Variants in RUVBL1 observed in about 807,000 individuals in gnomAD.
RUVBL1 encodes RuvB like AAA ATPase 1, also known as ruvB-like 1.
A neutral mutation model predicts 52.4 loss-of-function variants in RUVBL1; 4 were observed. The ratio of observed to expected loss-of-function variants is 0.08; its 90% CI spans 0.04 to 0.17. RUVBL1 has a LOEUF of 0.17. Ranked by LOEUF, RUVBL1 falls within the 10% of genes least tolerant of loss-of-function variation. The pLI is 1.00. For missense variants in RUVBL1, 298 were observed against 572.8 expected (o/e 0.52, Z 4.90); for synonymous variants, 217 against 214.4 (o/e 1.01, Z -0.10).
intron 8 of RUVBL1, 53 bp downstream of exon 8, chr3:128,097,247 T>A: frequency 6.6e-7 from 1 of 1,522,688 alleles, no homozygotes; most frequent in Non-Finnish European, 9.0e-7. Context: ...GAGGAACAAA[T>A]GAGCCCAGAT....
intron 9 of RUVBL1, chr3:128,069,684 A>C: frequency 6.2e-7 from 1 of 1,609,928 alleles, no homozygotes; most frequent in Non-Finnish European, 8.5e-7. Context: ...GGACAGGTTG[A>C]GGAAGCTGCT....
chr3:128,107,398 G>C (rs940300760), intron 3 of RUVBL1, among the ~76,000 whole-genome samples: 2 of 152,242 alleles, frequency 1.3e-5, no homozygotes, highest in African/African-American at 4.8e-5. Context: ...TGATGGCAGG[G>C]TGGCTTGATA....
chr3:128,072,762 C>A (rs967973582), intron 9 of RUVBL1, among the ~76,000 whole-genome samples: 2 of 152,226 alleles, frequency 1.3e-5, no homozygotes, highest in African/African-American at 4.8e-5. Context: ...ATCTCTCGTG[C>A]CTCAGGTATT....
intron 5 of RUVBL1, 120 bp from the exon 6 acceptor site, chr3:128,100,864 A>G (rs1943094159): frequency 8.6e-7 from 1 of 1,162,976 alleles, no homozygotes; most frequent in Admixed American, 2.5e-5. Context: ...CCTACTTGAC[A>G]AACTCCAAAT....
intron 8 of RUVBL1, among the ~76,000 whole-genome samples, chr3:128,090,269 C>T (rs553715227): frequency 7.2e-5 from 11 of 152,198 alleles, no homozygotes; most frequent in South Asian, 2.1e-4. Context: ...CAGTGGCTCA[C>T]GCCTGTAATC....
chr3:128,151,726 A>T (rs950014109), intron 1 of RUVBL1, among the ~76,000 whole-genome samples: 6 of 152,090 alleles, frequency 3.9e-5, no homozygotes, highest in African/African-American at 1.4e-4. Context: ...ATACTATCAC[A>T]CTGGGGGTCA....
intron 9 of RUVBL1, among the ~76,000 whole-genome samples, chr3:128,074,854 A>C (rs1250871558): frequency 6.6e-6 from 1 of 151,806 alleles, no homozygotes; most frequent in Non-Finnish European, 1.5e-5. Context: ...AAAAAAAAAA[A>C]AAAAAAAAAA....
In RUVBL1 at chr3:128,081,068, CAA is replaced by C; in HGVS notation, c.*180_*181del. ...CACACCAGGTAAGGAAGGGTTCTTT[CAA>C]AGCAACCACAGGAACAGTTACGATA... On this transcript the variant is annotated 3_prime_UTR_variant, in exon 11 of 11. Coordinates refer to ENST00000322623, the MANE Select transcript of RUVBL1 (RefSeq NM_003707.3). This position sits in a 1 kb window ranked among gnomAD's most constrained non-coding sequence, Gnocchi z 4.8. 1 of 561,028 alleles carries C rather than the reference CAA, an allele frequency of 1.8e-6. No individual in the cohort carries two copies. 34.8% of individuals were successfully genotyped at this position (561,028 alleles called of 1,614,324 possible). A position where few individuals can be genotyped will look rare whatever the true frequency, so the allele number is the denominator to read the frequency against.
intron 1 of RUVBL1, among the ~76,000 whole-genome samples, chr3:128,130,280 T>A (rs1013786311): frequency 6.6e-6 from 1 of 152,040 alleles, no homozygotes; most frequent in East Asian, 1.9e-4. Flanking sequence ...ACAAATTGGA[T>A]AATCTGGATG....
intron 1 of RUVBL1, among the ~76,000 whole-genome samples, chr3:128,146,438 G>A (rs908342471): frequency 3.0e-4 from 44 of 147,766 alleles, no homozygotes; most frequent in African/African-American, 5.7e-4. Flanking sequence ...GTGCACGGGC[G>A]TGTGCATGTG....
intron 9 of RUVBL1, chr3:128,066,640 T>C: frequency 5.3e-6 from 2 of 374,082 alleles, no homozygotes; most frequent in South Asian, 8.1e-5. Context: ...CCCAGGCTGG[T>C]ATCGAACTTC....
At chr3:128,143,530 A>T (rs1944062171) in intron 1 of RUVBL1, among the ~76,000 whole-genome samples, 1 of 152,084 alleles carries the variant, frequency 6.6e-6, no homozygotes, top group Admixed American at 6.6e-5. Context: ...TAACATATTC[A>T]CTGGCTCCGG....
At chr3:128,074,885 G>A (rs569102323) in intron 9 of RUVBL1, among the ~76,000 whole-genome samples, 69 of 140,222 alleles carry the variant, frequency 4.9e-4, no homozygotes, top group Non-Finnish European at 1.0e-3. Flanking sequence ...CCATAATCAA[G>A]TACTGAACTC....
At chr3:128,117,636 G>A (rs1487064526) in intron 2 of RUVBL1, among the ~76,000 whole-genome samples, 11 of 149,430 alleles carry the variant, frequency 7.4e-5, no homozygotes, top group Admixed American at 6.6e-4. Context: ...TTTTTGAGAC[G>A]TAGTCTTGCT....
intron 3 of RUVBL1, among the ~76,000 whole-genome samples, chr3:128,108,328 G>A (rs1430139543): frequency 4.6e-5 from 7 of 151,890 alleles, no homozygotes; most frequent in South Asian, 2.1e-4. Flanking sequence ...TTTTCACCTC[G>A]CTGCCATCAA....
intron 4 of RUVBL1, among the ~76,000 whole-genome samples, chr3:128,104,088 A>C (rs1404759522): frequency 6.6e-6 from 1 of 152,254 alleles, no homozygotes; most frequent in Non-Finnish European, 1.5e-5. Context: ...AATGCCACAC[A>C]GTTGTAAGTA....
At chr3:128,145,843 A>G (rs1448381916) in intron 1 of RUVBL1, among the ~76,000 whole-genome samples, 1 of 152,234 alleles carries the variant, frequency 6.6e-6, no homozygotes. Flanking sequence ...AAAAATGCCA[A>G]TGTATTTCAA....
intron 1 of RUVBL1, among the ~76,000 whole-genome samples, chr3:128,134,352 C>T (rs903595680): frequency 1.3e-5 from 2 of 151,454 alleles, no homozygotes; most frequent in East Asian, 1.9e-4. Context: ...AATCCAGCTA[C>T]TCAGGAGGCT....
In RUVBL1 at chr3:128,081,457, G is replaced by GA; in HGVS notation, c.1212-49dup. On this transcript the variant is annotated intron_variant, in intron 10 of 10. Transcript: ENST00000322623. This position sits in a 1 kb window ranked among gnomAD's most constrained non-coding sequence, Gnocchi z 4.8. Reference sequence around the variant, plus strand: ...CTGGAGTGAAACTGGGGCCACCGAAGAAAGCACCTTCCCCCCACATCAGTA... The same window carrying GA: ...CTGGAGTGAAACTGGGGCCACCGAAGAAAAGCACCTTCCCCCCACATCAGTA... 1 of 1,573,022 alleles carries GA rather than the reference G, an allele frequency of 6.4e-7. No homozygotes were observed. The highest frequency in any genetic ancestry group is 8.7e-7 in the Non-Finnish European group (1 of 1,152,940).
Sources: gnomAD v4.1 joint callset for allele counts (sites outside exome capture counted in the v4.1 genomes callset) on GRCh38, gnomAD v4.1.1 for gene constraint, Gnocchi (gnomAD v3.1) non-coding constraint, MANE v1.5 for transcripts, NCBI Gene and HGNC (gene_info 2026-07-23, HGNC 2026-07-21) for gene names.